The following SAV1 variants were observed in gnomAD, a reference collection of about 807,000 sequenced individuals.
The protein encoded by SAV1 is protein salvador homolog 1.
In SAV1, 23 loss-of-function variants were observed where a neutral mutation model predicts 47.3. The ratio of observed to expected loss-of-function variants is 0.49; its 90% CI spans 0.35 to 0.69. The LOEUF is 0.69. Ranked by LOEUF, SAV1 falls within the 30% of genes least tolerant of loss-of-function variation. The pLI is 0.01. For missense variants in SAV1, 448 were observed against 457.4 expected, an observed-to-expected ratio of 0.98 and a Z score of 0.19; for synonymous variants, 155 against 159.2, an observed-to-expected ratio of 0.97 and a Z score of 0.20.
In SAV1 at chr14:50,662,201, C is replaced by T. The variant is rs187375905; in HGVS notation, c.535+2978G>A. Among the ~76,000 whole-genome samples the T allele has an allele frequency of 2.5e-3, 377 of 152,250 alleles. 2 individuals are homozygous for T. Among genetic ancestry groups the T allele is most frequent in the South Asian group, 0.016 (77 of 4,822 alleles). On this transcript the variant is annotated intron_variant, in intron 2 of 4. Transcript: ENST00000324679. ...TTATTTATTTTGAGACGGAGTCTCACTCTGTTGCCCAGGCTGGAGTGCAGT... is the reference window on the plus strand; with the variant it reads ...TTATTTATTTTGAGACGGAGTCTCATTCTGTTGCCCAGGCTGGAGTGCAGT...
chr14:50,650,770 C>T (rs574696024), intron 2 of SAV1, among the ~76,000 whole-genome samples: 1 of 152,260 alleles, frequency 6.6e-6, no homozygotes, highest in South Asian at 2.1e-4. Context: ...ACCTGTAATC[C>T]CAGCACTTTG....
chr14:50,643,991 G>A (rs2039700885), intron 3 of SAV1, among the ~76,000 whole-genome samples: 1 of 152,134 alleles, frequency 6.6e-6, no homozygotes, highest in South Asian at 2.1e-4. Context: ...TAATCTTGTG[G>A]CTCAGCTTTT....
Position 50,667,932 on chromosome 14 carries a change from G to A in SAV1, c.36C>T (p.Ser12=), listed in dbSNP as rs763335734. ...LSRKKTKNEV[S]KPAEVQGKYV... ...ACTTCCCCTGCACCTCGGCCGGCTT[G>A]GACACTTCGTTTTTGGTTTTCTTTC... The change falls in exon 1 of 5, where the codon TCC becomes TCT. Residue 12 remains serine (S), a synonymous_variant. Coordinates refer to ENST00000324679, the MANE Select transcript of SAV1 (RefSeq NM_021818.4). 1 of 1,612,538 alleles carries A rather than the reference G, an allele frequency of 6.2e-7. No individual in the cohort carries two copies. The highest frequency in any genetic ancestry group is 8.5e-7 in the Non-Finnish European group (1 of 1,179,436).
chr14:50,652,453 A>T (rs1840806941), intron 2 of SAV1, among the ~76,000 whole-genome samples: 1 of 152,230 alleles, frequency 6.6e-6, no homozygotes, highest in African/African-American at 2.4e-5. Flanking sequence ...GGAACCAGGG[A>T]TCCTTAGAAT....
At chr14:50,661,524 T>C (rs2039860001) in intron 2 of SAV1, among the ~76,000 whole-genome samples, 1 of 152,228 alleles carries the variant, frequency 6.6e-6, no homozygotes, top group Non-Finnish European at 1.5e-5. Flanking sequence ...GTTAGATCGA[T>C]GTCCTGAAGT....
At chr14:50,644,267 TG>T (rs2039702723) in intron 3 of SAV1, among the ~76,000 whole-genome samples, 1 of 152,194 alleles carries the variant, frequency 6.6e-6, no homozygotes, top group Non-Finnish European at 1.5e-5. Flanking sequence ...TAAACAGAAA[TG>T]GGATGTTTTG....
chr14:50,667,879 A>G lies in SAV1; in HGVS notation c.89T>C (p.Leu30Pro), dbSNP rs2039917098. Residue 30 changes from leucine to proline, a missense_variant, in exon 1 of 5, where the codon CTT (leucine) becomes CCT (proline). By Grantham distance (98) the Leu-to-Pro change is moderately conservative. Coordinates refer to ENST00000324679, the MANE Select transcript of SAV1 (RefSeq NM_021818.4). ...KYVKKETSPLLRNLMPSFIRH... is the reference protein window; with the variant it reads ...KYVKKETSPLPRNLMPSFIRH... ...ACGCCCCGCCTGACACTCACTCCGA[A>G]GCAGAGGCGACGTCTCCTTCTTCAC... The G allele has an allele frequency of 6.2e-7, 1 of 1,612,420 alleles. No individual in the cohort carries two copies. The highest frequency in any genetic ancestry group is 1.1e-5 in the South Asian group (1 of 91,060).
chr14:50,649,272 C>T (rs2039747870), intron 2 of SAV1, among the ~76,000 whole-genome samples: 1 of 152,174 alleles, frequency 6.6e-6, no homozygotes, highest in South Asian at 2.1e-4. Context: ...GCACTTTAAC[C>T]TTTTAACTTA....
intron 3 of SAV1, among the ~76,000 whole-genome samples, chr14:50,642,775 C>T (rs2039690825): frequency 6.6e-6 from 1 of 152,118 alleles, no homozygotes; most frequent in African/African-American, 2.4e-5. Context: ...TTTAAAAGAT[C>T]AATATGCAAA....
At chr14:50,639,554 G>A (rs2039664802) in intron 4 of SAV1, among the ~76,000 whole-genome samples, 1 of 152,068 alleles carries the variant, frequency 6.6e-6, no homozygotes, top group Non-Finnish European at 1.5e-5. Context: ...GGCCCATTTT[G>A]GAAGAATTAC....
At position 50,634,303 on chromosome 14, in the gene SAV1, C is replaced by T. The variant is rs573915941; in HGVS notation, c.*880G>A. On this transcript the variant is annotated 3_prime_UTR_variant, in exon 5 of 5. Transcript: ENST00000324679. ...CGTCACCCATTCATACCAAAAAATACTTTCTCAACATGCTTTAAAAGGATT... is the reference window on the plus strand; with the variant it reads ...CGTCACCCATTCATACCAAAAAATATTTTCTCAACATGCTTTAAAAGGATT... 3.6e-5 allele frequency: 11 copies of T among 306,990 alleles called. No individual in the cohort carries two copies. In the East Asian group the frequency reaches 4.5e-4, roughly 13 times the overall value. 19.0% of individuals were successfully genotyped at this position (306,990 alleles called of 1,614,324 possible).
chr14:50,642,249 G>A (rs1018902276), intron 3 of SAV1, among the ~76,000 whole-genome samples: 2 of 152,102 alleles, frequency 1.3e-5, no homozygotes, highest in Non-Finnish European at 2.9e-5. Context: ...ACCTATCAGG[G>A]ACCGGGCGTG....
chr14:50,667,819 C>T (rs1399646719), intron 1 of SAV1, 55 bp downstream of exon 1: 18 of 1,485,106 alleles, frequency 1.2e-5, no homozygotes, highest in Admixed American at 1.9e-5. Flanking sequence ...CGCCAGGGTC[C>T]CCGGAGCACC....
In SAV1 at chr14:50,644,788, A is replaced by G; in HGVS notation, c.762T>C (p.Asp254=). 6.2e-7 allele frequency: 1 copy of G among 1,614,158 alleles called. No homozygotes were observed. The stretch of plus-strand genomic sequence containing the variant: ...TGTATTGGGCCTTCTTATTTGTGTG[A>G]TCTACATAATAGGTTCCAAATTCGG... ...ESSEFGTYYV[D]HTNKKAQYRH... The change falls in exon 3 of 5, where the codon GAT becomes GAC. Residue 254 remains aspartate (D), a synonymous_variant. Transcript: ENST00000324679.
chr14:50,650,520 T>C (rs1428940302), intron 2 of SAV1, among the ~76,000 whole-genome samples: 1 of 152,172 alleles, frequency 6.6e-6, no homozygotes, highest in Non-Finnish European at 1.5e-5. Context: ...GTGTGACCAA[T>C]AGTTTATGGC....
rs779035270 is a variant in SAV1 at position 50,640,824 on chromosome 14, A to C, written c.876T>G (p.Leu292=). 8.1e-6 allele frequency: 13 copies of C among 1,613,838 alleles called. No homozygotes were observed. Among genetic ancestry groups the C allele is most frequent in the Non-Finnish European group, 1.1e-5 (13 of 1,179,924 alleles). ...TATGATATGGATTTGCAGGTACCAG[A>C]AGGGACTGATTTCTTTCAGTTTGCT... ...QPQQTERNQS[L]LVPANPYHTA... Residue 292 remains leucine, a synonymous_variant, in exon 4 of 5, where the codon CTT becomes CTG. Transcript: ENST00000324679.
intron 1 of SAV1, among the ~76,000 whole-genome samples, chr14:50,666,477 A>T (rs1016039110): frequency 6.6e-6 from 1 of 152,238 alleles, no homozygotes; most frequent in Non-Finnish European, 1.5e-5. Context: ...GGAGACACTC[A>T]TATTAATAAG....
chr14:50,643,231 T>C (rs2039694518), intron 3 of SAV1, among the ~76,000 whole-genome samples: 1 of 152,174 alleles, frequency 6.6e-6, no homozygotes, highest in Non-Finnish European at 1.5e-5. Context: ...TGTAATAACA[T>C]AAGGTTAATG....
chr14:50,661,124 A>T (rs1385361911), intron 2 of SAV1, among the ~76,000 whole-genome samples: 2 of 152,162 alleles, frequency 1.3e-5, no homozygotes, highest in Non-Finnish European at 2.9e-5. Flanking sequence ...CACCAGTAGT[A>T]TATTTTTTTG....
Sources: gnomAD v4.1 joint callset for allele counts (sites outside exome capture counted in the v4.1 genomes callset) on GRCh38, gnomAD v4.1.1 for gene constraint, MANE v1.5 for transcripts, NCBI Gene and HGNC (gene_info 2026-07-23, HGNC 2026-07-21) for gene names.